The following PTPRR variants were observed in gnomAD, a reference collection of about 807,000 sequenced individuals.
PTPRR encodes the protein receptor-type tyrosine-protein phosphatase R.
Under a neutral mutation model 77.2 loss-of-function variants are expected in PTPRR, and 38 were observed. The observed-to-expected ratio is 0.49, with a 90% CI of 0.38 to 0.65. The LOEUF is 0.65. Ranked by LOEUF, PTPRR falls within the 30% of genes least tolerant of loss-of-function variation. PTPRR has a pLI of 0.00. For missense variants in PTPRR, 744 were observed against 799.2 expected, an observed-to-expected ratio of 0.93 and a Z score of 0.83; for synonymous variants, 299 against 283.1, an observed-to-expected ratio of 1.06 and a Z score of -0.57.
chr12:70,745,797 G>A (rs76507476), intron 6 of PTPRR, 21 bp downstream of exon 6: 2 of 1,610,910 alleles, frequency 1.2e-6, no homozygotes, highest in Non-Finnish European at 1.7e-6. Flanking sequence ...CACACGTAGG[G>A]TATACAGAAC....
intron 6 of PTPRR, among the ~76,000 whole-genome samples, chr12:70,724,254 A>G (rs1365685410): frequency 6.6e-6 from 1 of 152,128 alleles, no homozygotes; most frequent in Non-Finnish European, 1.5e-5. Flanking sequence ...TGCTGTCACT[A>G]CCAGTATAGT....
chr12:70,888,261 T>G (rs1363068426), intron 2 of PTPRR, among the ~76,000 whole-genome samples: 1 of 152,074 alleles, frequency 6.6e-6, no homozygotes, highest in African/African-American at 2.4e-5. Flanking sequence ...TGTTTTATGC[T>G]TAGCAAAAAA....
chr12:70,763,648 C>G (rs562327185), intron 3 of PTPRR, among the ~76,000 whole-genome samples: 9 of 152,234 alleles, frequency 5.9e-5, no homozygotes, highest in African/African-American at 2.2e-4. Flanking sequence ...CAGATGGGTG[C>G]AATAGAAAGC....
chr12:70,684,033 C>A, intron 10 of PTPRR, 94 bp downstream of exon 10: 1 of 1,368,022 alleles, frequency 7.3e-7, no homozygotes, highest in Non-Finnish European at 9.9e-7. Flanking sequence ...GAGTTTCCAT[C>A]TTAAATCTAA....
intron 6 of PTPRR, among the ~76,000 whole-genome samples, chr12:70,710,096 C>A (rs1032758276): frequency 9.9e-5 from 15 of 152,098 alleles, no homozygotes; most frequent in Non-Finnish European, 2.1e-4. Flanking sequence ...ATAGCCAAGA[C>A]AATCCTGAGC....
chr12:70,725,394 A>G (rs184965897), intron 6 of PTPRR, among the ~76,000 whole-genome samples: 5 of 152,296 alleles, frequency 3.3e-5, no homozygotes, highest in Admixed American at 1.3e-4. Context: ...CCTGAAAACA[A>G]TCCCACAAGT....
At chr12:70,684,361 A>G (rs1283155421) in intron 9 of PTPRR, 97 bp from the exon 10 acceptor site, 5 of 1,294,638 alleles carry the variant, frequency 3.9e-6, no homozygotes, top group Middle Eastern at 1.9e-4. Context: ...CTGGGCTAGT[A>G]CAAAAGCAAC....
chr12:70,865,441 G>C (rs551825952), intron 2 of PTPRR, among the ~76,000 whole-genome samples: 1 of 152,242 alleles, frequency 6.6e-6, no homozygotes, highest in East Asian at 1.9e-4. Flanking sequence ...ACAGAGGACA[G>C]GTGGAAAATT....
At chr12:70,669,436 A>T (rs1028247478) in intron 10 of PTPRR, among the ~76,000 whole-genome samples, 19 of 148,362 alleles carry the variant, frequency 1.3e-4, no homozygotes, top group African/African-American at 4.8e-4. Flanking sequence ...AAGCTATTTT[A>T]TATATATATG....
intron 6 of PTPRR, among the ~76,000 whole-genome samples, chr12:70,709,856 A>T (rs1446425435): frequency 6.6e-6 from 1 of 152,164 alleles, no homozygotes; most frequent in East Asian, 1.9e-4. Context: ...AAACAAATGG[A>T]AAAACATTCC....
intron 7 of PTPRR, 85 bp from the exon 8 acceptor site, chr12:70,698,434 T>G (rs1223602479): frequency 1.6e-5 from 19 of 1,186,380 alleles, no homozygotes; most frequent in Non-Finnish European, 2.1e-5. Flanking sequence ...TCCAGAGTTC[T>G]ATTGGACTTC....
intron 2 of PTPRR, among the ~76,000 whole-genome samples, chr12:70,869,702 G>T (rs1892928063): frequency 6.6e-6 from 1 of 152,116 alleles, no homozygotes; most frequent in Admixed American, 6.6e-5. Flanking sequence ...GGCTGATGAA[G>T]AGGTCAGATG....
At chr12:70,867,312 T>C (rs1257815405) in intron 2 of PTPRR, among the ~76,000 whole-genome samples, 2 of 151,814 alleles carry the variant, frequency 1.3e-5, no homozygotes, top group Non-Finnish European at 3.0e-5. Context: ...GCCCAAAATC[T>C]CCTTAAGCTG....
intron 2 of PTPRR, among the ~76,000 whole-genome samples, chr12:70,891,988 G>A (rs1893345447): frequency 6.6e-6 from 1 of 151,976 alleles, no homozygotes; most frequent in African/African-American, 2.4e-5. Context: ...AGTGACTGTA[G>A]TTCAAATAGG....
At chr12:70,869,895 T>C (rs1279523934) in intron 2 of PTPRR, among the ~76,000 whole-genome samples, 1 of 152,156 alleles carries the variant, frequency 6.6e-6, no homozygotes, top group East Asian at 1.9e-4. Context: ...AATAAATTTG[T>C]ATTCTTGAAG....
chr12:70,808,016 T>C (rs1354157485), intron 2 of PTPRR, among the ~76,000 whole-genome samples: 1 of 152,144 alleles, frequency 6.6e-6, no homozygotes, highest in Non-Finnish European at 1.5e-5. Flanking sequence ...AAGAGAAGTA[T>C]TGCTGAATTC....
intron 2 of PTPRR, among the ~76,000 whole-genome samples, chr12:70,819,132 T>A (rs999725323): frequency 6.6e-6 from 1 of 152,172 alleles, no homozygotes; most frequent in East Asian, 1.9e-4. Context: ...ACCAGACTAG[T>A]CGACATGGTG....
chr12:70,672,799 A>G, intron 10 of PTPRR: 1 of 1,563,706 alleles, frequency 6.4e-7, no homozygotes, highest in Non-Finnish European at 8.7e-7. Context: ...CTTTCTCAAG[A>G]AGGGAGATGA....
chr12:70,732,905 T>C (rs958348306), intron 6 of PTPRR, among the ~76,000 whole-genome samples: 3 of 152,148 alleles, frequency 2.0e-5, no homozygotes, highest in Non-Finnish European at 4.4e-5. Flanking sequence ...CCTATAAAAT[T>C]AACTTGATGT....
Sources: gnomAD v4.1 joint callset for allele counts (sites outside exome capture counted in the v4.1 genomes callset) on GRCh38, gnomAD v4.1.1 for gene constraint, MANE v1.5 for transcripts, NCBI Gene and HGNC (gene_info 2026-07-23, HGNC 2026-07-21) for gene names.